Variants in NCKAP1 observed in about 807,000 individuals in gnomAD.
NCKAP1 encodes NCK associated protein 1, also known as nck-associated protein 1.
In NCKAP1, 21 loss-of-function variants were observed where a neutral mutation model predicts 151.2. The ratio of observed to expected loss-of-function variants is 0.14; its 90% CI spans 0.10 to 0.20. The LOEUF (loss-of-function observed/expected upper bound fraction) is 0.20. Ranked by LOEUF, NCKAP1 falls within the 10% of genes least tolerant of loss-of-function variation. The pLI is 1.00. For missense variants in NCKAP1, 933 were observed against 1,352.1 expected, an observed-to-expected ratio of 0.69 and a Z score of 4.86; for synonymous variants, 484 against 451.8, an observed-to-expected ratio of 1.07 and a Z score of -0.90.
rs188052674 is a variant in NCKAP1, at chr2:183,030,558, T to C, written c.109-6642A>G. 1.5e-4 allele frequency among the ~76,000 whole-genome samples: 23 copies of C among 152,254 alleles called. No homozygotes were observed. In the East Asian group the frequency reaches 3.9e-3, roughly 26 times the overall value. On this transcript the variant is annotated intron_variant, in intron 1 of 30. Coordinates refer to ENST00000361354, the MANE Select transcript of NCKAP1 (RefSeq NM_013436.5). ...ACAGAAACCAGCCCCATCTGAATAA[T>C]GTCAAGGATGAGGAGAAAAATACAA...
At chr2:182,933,927 T>A (rs1384498847) in intron 26 of NCKAP1, among the ~76,000 whole-genome samples, 2 of 152,162 alleles carry the variant, frequency 1.3e-5, no homozygotes, top group Non-Finnish European at 2.9e-5. Flanking sequence ...ATAGTTGGAT[T>A]TCATGGCTCA....
intron 23 of NCKAP1, among the ~76,000 whole-genome samples, chr2:182,943,363 C>T (rs1009119747): frequency 6.6e-6 from 1 of 152,088 alleles, no homozygotes; most frequent in Non-Finnish European, 1.5e-5. Flanking sequence ...GTTTAGGTTG[C>T]TTGATGTTAT....
At chr2:182,995,553 A>G in intron 7 of NCKAP1, 148 bp downstream of exon 7, 1 of 664,454 alleles carries the variant, frequency 1.5e-6, no homozygotes, top group South Asian at 3.4e-5. Context: ...AAAAATCTGA[A>G]CAATATGACT....
intron 10 of NCKAP1, among the ~76,000 whole-genome samples, chr2:182,984,985 T>C (rs1160864633): frequency 2.6e-5 from 4 of 152,218 alleles, no homozygotes; most frequent in African/African-American, 9.6e-5. Context: ...TATAGTAGCG[T>C]CTATCCCACG....
chr2:182,944,904 C>T (rs1697068611), intron 23 of NCKAP1, among the ~76,000 whole-genome samples: 1 of 152,100 alleles, frequency 6.6e-6, no homozygotes. Flanking sequence ...GAGTTTGAGA[C>T]CAGCCTGGGC....
At chr2:182,936,534 T>C (rs1470660628) in intron 24 of NCKAP1, among the ~76,000 whole-genome samples, 1 of 152,162 alleles carries the variant, frequency 6.6e-6, no homozygotes, top group Non-Finnish European at 1.5e-5. Flanking sequence ...AACAAATTTC[T>C]GGAAAGAGAT....
intron 2 of NCKAP1, among the ~76,000 whole-genome samples, chr2:183,010,503 G>A (rs777504566): frequency 7.6e-4 from 115 of 152,146 alleles, no homozygotes; most frequent in Admixed American, 1.2e-3. Context: ...AGCTGCTGTC[G>A]TTTTAAGCCA....
chr2:182,996,703 G>C lies in NCKAP1; in HGVS notation c.604-865C>G, dbSNP rs368344603. ...GATCTCCTGACCTCCTGATCCGCCTGCATCGGCCTCCCAAAGTGTTGGGAT... is the reference window on the plus strand; with the variant it reads ...GATCTCCTGACCTCCTGATCCGCCTCCATCGGCCTCCCAAAGTGTTGGGAT... On this transcript the variant is annotated intron_variant, in intron 6 of 30. Coordinates refer to ENST00000361354, the MANE Select transcript of NCKAP1 (RefSeq NM_013436.5). Among the ~76,000 whole-genome samples the C allele has an allele frequency of 1.9e-4, 29 of 152,278 alleles. No individual in the cohort carries two copies. The East Asian group carries it at 5.4e-3, about 28-fold the overall frequency.
At chr2:183,026,246 T>C (rs1301009239) in intron 1 of NCKAP1, among the ~76,000 whole-genome samples, 3 of 152,096 alleles carry the variant, frequency 2.0e-5, no homozygotes, top group East Asian at 3.9e-4. Flanking sequence ...CTGGACAACA[T>C]AGCATGACCC....
chr2:182,935,412 A>G, intron 24 of NCKAP1, 37 bp from the exon 25 acceptor site: 1 of 1,270,960 alleles, frequency 7.9e-7, no homozygotes, highest in Admixed American at 2.6e-5. Context: ...GAGAATAAAA[A>G]AGTGTGAACT....
At chr2:182,982,665 A>G (rs901811603) in intron 12 of NCKAP1, among the ~76,000 whole-genome samples, 156 bp downstream of exon 12, 1 of 152,210 alleles carries the variant, frequency 6.6e-6, no homozygotes, top group African/African-American at 2.4e-5. Context: ...AAGGTAGGCT[A>G]GGCTAAGCTC....
intron 2 of NCKAP1, among the ~76,000 whole-genome samples, chr2:183,018,139 C>A (rs1313663811): frequency 2.0e-5 from 3 of 151,854 alleles, no homozygotes; most frequent in Non-Finnish European, 4.4e-5. Flanking sequence ...CCCAGCTACT[C>A]GGGAAGCTGA....
chr2:182,946,169 G>A (rs2105815631), intron 23 of NCKAP1, among the ~76,000 whole-genome samples: 1 of 152,310 alleles, frequency 6.6e-6, no homozygotes, highest in African/African-American at 2.4e-5. Context: ...GGAGGCTGAG[G>A]TGGGTGGATC....
At chr2:183,018,138 T>A (rs1442191116) in intron 2 of NCKAP1, among the ~76,000 whole-genome samples, 3 of 151,920 alleles carry the variant, frequency 2.0e-5, no homozygotes, top group Non-Finnish European at 4.4e-5. Flanking sequence ...TCCCAGCTAC[T>A]CGGGAAGCTG....
chr2:183,009,102 G>A (rs191383784), intron 2 of NCKAP1, among the ~76,000 whole-genome samples: 10 of 152,208 alleles, frequency 6.6e-5, no homozygotes, highest in East Asian at 1.9e-4. Flanking sequence ...GGCCAGGTGC[G>A]GAGGATCACG....
intron 11 of NCKAP1, 138 bp from the exon 12 acceptor site, chr2:182,983,065 C>A: frequency 1.4e-6 from 1 of 718,830 alleles, no homozygotes; most frequent in Non-Finnish European, 2.3e-6. Context: ...GAAGAGGACA[C>A]AAGAGAACCT....
At chr2:183,036,171 T>C (rs1699099097) in intron 1 of NCKAP1, among the ~76,000 whole-genome samples, 1 of 152,208 alleles carries the variant, frequency 6.6e-6, no homozygotes, top group African/African-American at 2.4e-5. Context: ...CTGGAATTAT[T>C]AGAGTTCAAA....
intron 1 of NCKAP1, among the ~76,000 whole-genome samples, chr2:183,026,447 T>G (rs967010712): frequency 6.7e-6 from 1 of 149,006 alleles, no homozygotes; most frequent in Non-Finnish European, 1.5e-5. Context: ...TACCGCAGCC[T>G]GAGCCACAGA....
chr2:183,013,150 C>G (rs530731966), intron 2 of NCKAP1, among the ~76,000 whole-genome samples: 3 of 152,028 alleles, frequency 2.0e-5, no homozygotes, highest in Non-Finnish European at 2.9e-5. Flanking sequence ...GATGATTATT[C>G]CATTCCTTTC....
Sources: allele counts gnomAD v4.1 joint callset (sites outside exome capture counted in the v4.1 genomes callset), GRCh38; gene constraint gnomAD v4.1.1; transcripts MANE v1.5; gene names NCBI Gene and HGNC (gene_info 2026-07-23, HGNC 2026-07-21).